Variants in COL25A1 observed in about 807,000 individuals in gnomAD.
COL25A1 encodes collagen type XXV alpha 1 chain.
Under a neutral mutation model 128.4 loss-of-function variants are expected in COL25A1, and 103 were observed. The observed-to-expected ratio is 0.80, with a 90% CI of 0.68 to 0.94. COL25A1 has a LOEUF of 0.94. COL25A1 is among the 40% of genes least tolerant of loss of function. The pLI, the probability that COL25A1 is intolerant of heterozygous loss-of-function variation, is 0.00. For missense variants in COL25A1, 745 were observed against 840.0 expected (o/e 0.89, Z 1.40); for synonymous variants, 279 against 277.2 (o/e 1.01, Z -0.06).
chr4:109,111,798 T>G (rs1289530808), intron 3 of COL25A1, among the ~76,000 whole-genome samples: 1 of 152,190 alleles, frequency 6.6e-6, no homozygotes, highest in Non-Finnish European at 1.5e-5. Context: ...CTATAGGCTC[T>G]TCAAAGGAAG....
At chr4:109,094,536 G>A (rs1765227152) in intron 3 of COL25A1, among the ~76,000 whole-genome samples, 1 of 152,086 alleles carries the variant, frequency 6.6e-6, no homozygotes, top group Non-Finnish European at 1.5e-5. Context: ...TGCTAACTTA[G>A]GAATCGTCTA....
At position 109,151,093 on chromosome 4, in the gene COL25A1, T is replaced by C. The variant is rs1002914235; in HGVS notation, c.368-100914A>G. ...AAGTAAATTCTAAAAATGCCACAGA[T>C]ATTAATGGTATTTATCACTTAGTAA... is the stretch of plus-strand genomic sequence containing the variant. On this transcript the variant is annotated intron_variant, in intron 3 of 37. Coordinates refer to ENST00000399132, the MANE Select transcript of COL25A1 (RefSeq NM_198721.4). Among the ~76,000 whole-genome samples, 38 of 152,150 alleles carry C rather than the reference T, an allele frequency of 2.5e-4. 1 individual carries two copies. The highest frequency in any genetic ancestry group is 2.5e-3 in the Admixed American group (38 of 15,282).
chr4:108,933,025 T>C (rs1353175639), intron 11 of COL25A1, among the ~76,000 whole-genome samples: 3 of 152,240 alleles, frequency 2.0e-5, no homozygotes, highest in African/African-American at 4.8e-5. Flanking sequence ...GTTTACAGAA[T>C]AGATGCATGG....
chr4:109,183,923 CAAAAA>C (rs34164987), intron 3 of COL25A1, among the ~76,000 whole-genome samples: 1 of 105,544 alleles, frequency 9.5e-6, no homozygotes. Context: ...ACACCAACTT[CAAAAA>C]AAAAAAAAAA....
At position 109,302,167 on chromosome 4, in the gene COL25A1, A is replaced by AC. The variant is rs1322068106; in HGVS notation, c.-57+1dup. On this transcript the variant is annotated splice_donor_variant, in intron 1 of 37. Coordinates refer to ENST00000399132, the MANE Select transcript of COL25A1 (RefSeq NM_198721.4). LOFTEE classifies it low-confidence loss of function (5UTR_SPLICE). ...GAGTCAAGCCCACGAGCGGATACGG[A>AC]CCCCTGCCTTGCTCAGCGTCCAGAC... The AC allele has an allele frequency of 2.0e-6, 2 of 991,664 alleles. No homozygotes were observed. Among genetic ancestry groups the AC allele is most frequent in the Non-Finnish European group, 2.9e-6 (2 of 699,018 alleles). 61.4% of individuals were successfully genotyped at this position (991,664 alleles called of 1,614,324 possible).
At chr4:109,140,031 C>T (rs113851997) in intron 3 of COL25A1, among the ~76,000 whole-genome samples, 3,585 of 152,244 alleles carry the variant, frequency 0.024, 122 homozygotes, top group African/African-American at 0.074. Flanking sequence ...CATAGTATTC[C>T]ATGGTGTATA....
At chr4:109,234,863 C>A (rs1247020991) in intron 3 of COL25A1, among the ~76,000 whole-genome samples, 1 of 151,556 alleles carries the variant, frequency 6.6e-6, no homozygotes, top group East Asian at 1.9e-4. Flanking sequence ...CCAGTAGCCT[C>A]AAAACCATAG....
chr4:109,128,305 C>T (rs1223573138), intron 3 of COL25A1, among the ~76,000 whole-genome samples: 1 of 152,168 alleles, frequency 6.6e-6, no homozygotes, highest in Non-Finnish European at 1.5e-5. Flanking sequence ...TTCAAAATTT[C>T]TTCCAGAGGA....
intron 19 of COL25A1, among the ~76,000 whole-genome samples, chr4:108,870,164 G>C (rs1001779612): frequency 7.9e-5 from 12 of 152,152 alleles, no homozygotes; most frequent in Non-Finnish European, 1.6e-4. Flanking sequence ...ACTGAGGCGG[G>C]AGGATCGTTT....
At chr4:109,118,700 G>A (rs544874037) in intron 3 of COL25A1, among the ~76,000 whole-genome samples, 2 of 151,872 alleles carry the variant, frequency 1.3e-5, no homozygotes, top group African/African-American at 4.8e-5. Context: ...ATGTGTATGT[G>A]CCCAACAAAA....
intron 3 of COL25A1, among the ~76,000 whole-genome samples, chr4:109,182,767 C>A (rs1352950924): frequency 6.6e-6 from 1 of 152,050 alleles, no homozygotes; most frequent in African/African-American, 2.4e-5. Context: ...CATCACAAGA[C>A]CATTAGAATT....
intron 4 of COL25A1, 28 bp from the exon 5 acceptor site, chr4:109,048,203 G>A: frequency 6.7e-7 from 1 of 1,495,544 alleles, no homozygotes; most frequent in Non-Finnish European, 9.1e-7. Flanking sequence ...GGAGAGAGAA[G>A]AGAGAGAGAG....
intron 14 of COL25A1, among the ~76,000 whole-genome samples, chr4:108,899,480 G>T (rs1402642331): frequency 6.6e-6 from 1 of 152,040 alleles, no homozygotes; most frequent in African/African-American, 2.4e-5. Flanking sequence ...TGATGGTGTG[G>T]CAATTCAATA....
At chr4:109,198,144 G>C (rs1336038304) in intron 3 of COL25A1, among the ~76,000 whole-genome samples, 1 of 152,040 alleles carries the variant, frequency 6.6e-6, no homozygotes, top group Admixed American at 6.6e-5. Context: ...AGATGAGCGT[G>C]TGGCTCTGGC....
intron 4 of COL25A1, among the ~76,000 whole-genome samples, chr4:109,049,032 T>TA (rs535988549): frequency 6.3e-4 from 96 of 151,892 alleles, no homozygotes; most frequent in African/African-American, 2.3e-3. Flanking sequence ...CAATACTCTT[T>TA]AAAAAAAATA....
chr4:108,820,719 C>CAAA (rs35629348), intron 35 of COL25A1, among the ~76,000 whole-genome samples: 14 of 135,756 alleles, frequency 1.0e-4, no homozygotes, highest in Non-Finnish European at 2.1e-4. Flanking sequence ...TAACAAAAGC[C>CAAA]AAAAAAAAAA....
At chr4:108,815,934 C>T (rs962931723) in intron 37 of COL25A1, among the ~76,000 whole-genome samples, 3 of 152,120 alleles carry the variant, frequency 2.0e-5, no homozygotes, top group African/African-American at 7.2e-5. Context: ...TGCATCTCCT[C>T]TATGTGAAGT....
intron 3 of COL25A1, among the ~76,000 whole-genome samples, chr4:109,091,894 A>C (rs1278894577): frequency 6.6e-6 from 1 of 152,132 alleles, no homozygotes; most frequent in Non-Finnish European, 1.5e-5. Flanking sequence ...TCCAAGATTC[A>C]TTGAGATGTG....
At chr4:109,050,263 T>G (rs1760864465) in intron 3 of COL25A1, 84 bp from the exon 4 acceptor site, 1 of 1,000,010 alleles carries the variant, frequency 1.0e-6, no homozygotes, top group Non-Finnish European at 1.5e-6. Context: ...TTATATATAT[T>G]TTCTCATTGT....
Sources: allele counts gnomAD v4.1 joint callset (sites outside exome capture counted in the v4.1 genomes callset), GRCh38; gene constraint gnomAD v4.1.1; transcripts MANE v1.5; gene names NCBI Gene and HGNC (gene_info 2026-07-23, HGNC 2026-07-21).